Variants in BRINP1 observed in about 807,000 individuals in gnomAD.
BRINP1 encodes the protein BMP/retinoic acid-inducible neural-specific protein 1.
A neutral mutation model predicts 72.9 loss-of-function variants in BRINP1; 17 were observed. That is an observed-to-expected ratio of 0.23 (90% CI 0.16 to 0.35). BRINP1 has a LOEUF of 0.35. Ranked by LOEUF, BRINP1 falls within the 10% of genes least tolerant of loss-of-function variation. The probability of loss-of-function intolerance (pLI) is 1.00; values close to 1 mark genes in which losing one functional copy is unlikely to be tolerated. For synonymous variants in BRINP1, 418 were observed against 378.5 expected (o/e 1.10, Z -1.21); for missense variants, 850 against 1,001.6 (o/e 0.85, Z 2.04).
intron 1 of BRINP1, among the ~76,000 whole-genome samples, chr9:119,326,519 T>G (rs1344235583): frequency 1.3e-5 from 2 of 152,240 alleles, no homozygotes; most frequent in East Asian, 3.9e-4. Context: ...ACCTAAGTTA[T>G]GTATAGCACT....
chr9:119,309,834 T>C (rs1366567678), intron 2 of BRINP1, among the ~76,000 whole-genome samples: 1 of 152,260 alleles, frequency 6.6e-6, no homozygotes, highest in Non-Finnish European at 1.5e-5. Context: ...TAGGAGGATA[T>C]ATGTTTGTAA....
intron 1 of BRINP1, among the ~76,000 whole-genome samples, chr9:119,337,016 T>C (rs1831352713): frequency 6.6e-6 from 1 of 152,096 alleles, no homozygotes; most frequent in South Asian, 2.1e-4. Flanking sequence ...CTCTTCTCCA[T>C]CTCGATGGTT....
intron 7 of BRINP1, among the ~76,000 whole-genome samples, chr9:119,201,959 G>A (rs780982432): frequency 4.8e-5 from 7 of 146,756 alleles, no homozygotes; most frequent in Admixed American, 2.1e-4. Flanking sequence ...CCTCCCTTCC[G>A]TCCTTCCTTC....
chr9:119,266,991 A>G (rs1202210129), intron 2 of BRINP1, among the ~76,000 whole-genome samples: 1 of 152,236 alleles, frequency 6.6e-6, no homozygotes, highest in Non-Finnish European at 1.5e-5. Flanking sequence ...GGAGGACAAA[A>G]TCAGAAGCGG....
intron 2 of BRINP1, among the ~76,000 whole-genome samples, chr9:119,298,596 T>C (rs76537044): frequency 6.6e-6 from 1 of 152,162 alleles, no homozygotes; most frequent in Non-Finnish European, 1.5e-5. Flanking sequence ...TTATTCCATG[T>C]ACCTAGCATC....
chr9:119,250,555 G>A (rs1204740325), intron 2 of BRINP1, among the ~76,000 whole-genome samples: 1 of 152,130 alleles, frequency 6.6e-6, no homozygotes, highest in East Asian at 1.9e-4. Context: ...AAATACCTTT[G>A]GAAACTGCAA....
chr9:119,188,099 G>T (rs1375738725), intron 7 of BRINP1, among the ~76,000 whole-genome samples: 1 of 152,154 alleles, frequency 6.6e-6, no homozygotes, highest in African/African-American at 2.4e-5. Flanking sequence ...GTACTTACAT[G>T]ATGAGTGTAA....
chr9:119,265,707 C>A (rs550911589), intron 2 of BRINP1, among the ~76,000 whole-genome samples: 1 of 152,236 alleles, frequency 6.6e-6, no homozygotes, highest in African/African-American at 2.4e-5. Flanking sequence ...ACTTGCTATT[C>A]ATTCTTTCAA....
chr9:119,348,486 T>A (rs1831471337), intron 1 of BRINP1, among the ~76,000 whole-genome samples: 1 of 152,236 alleles, frequency 6.6e-6, no homozygotes, highest in South Asian at 2.1e-4. Flanking sequence ...GGACCCTGAT[T>A]GCTGGATTCT....
At chr9:119,207,790 G>A (rs1170784956) in intron 7 of BRINP1, among the ~76,000 whole-genome samples, 3 of 152,174 alleles carry the variant, frequency 2.0e-5, no homozygotes, top group Non-Finnish European at 2.9e-5. Flanking sequence ...CTTTTTAAGA[G>A]TGGATCTTTT....
At position 119,178,630 on chromosome 9, in the gene BRINP1, G is replaced by A. The variant is rs192745555; in HGVS notation, c.1146-10406C>T. 3.9e-5 allele frequency among the ~76,000 whole-genome samples: 6 copies of A among 152,266 alleles called. No homozygotes were observed. The East Asian group carries it at 1.2e-3, about 29-fold the overall frequency. ...GACTTACAACTATTGAGTTCTCACTGTATACCAGGCATAGTGCTGGAGGTT... is the reference window on the plus strand; with the variant it reads ...GACTTACAACTATTGAGTTCTCACTATATACCAGGCATAGTGCTGGAGGTT... On this transcript the variant is annotated intron_variant, in intron 7 of 7. Transcript: ENST00000265922.
At chr9:119,245,652 C>T (rs1025547095) in intron 3 of BRINP1, among the ~76,000 whole-genome samples, 6 of 152,188 alleles carry the variant, frequency 3.9e-5, no homozygotes, top group Non-Finnish European at 8.8e-5. Context: ...CTTCTCCATT[C>T]CCATAGCCTT....
chr9:119,183,970 A>G (rs1588157028), intron 7 of BRINP1, among the ~76,000 whole-genome samples: 2 of 152,114 alleles, frequency 1.3e-5, no homozygotes, highest in East Asian at 3.9e-4. Flanking sequence ...TGGCTCTGAC[A>G]GGGGATTAAA....
intron 7 of BRINP1, among the ~76,000 whole-genome samples, chr9:119,177,340 T>A (rs1209857688): frequency 6.6e-6 from 1 of 152,120 alleles, no homozygotes; most frequent in African/African-American, 2.4e-5. Flanking sequence ...GCTGGAATAA[T>A]AATGAGCTAT....
chr9:119,184,825 G>T (rs921205893), intron 7 of BRINP1, among the ~76,000 whole-genome samples: 2 of 152,094 alleles, frequency 1.3e-5, no homozygotes, highest in Non-Finnish European at 2.9e-5. Context: ...GAAGAAGCCT[G>T]CACACTTCCC....
intron 7 of BRINP1, among the ~76,000 whole-genome samples, chr9:119,206,341 AC>A (rs1379468274): frequency 6.7e-6 from 1 of 148,540 alleles, no homozygotes; most frequent in Non-Finnish European, 1.5e-5. Context: ...AATCGCTTGA[AC>A]CTGGGAGACG....
In BRINP1 at chr9:119,280,946, A is replaced by C. The variant is rs2118962073; in HGVS notation, c.219-31796T>G. The stretch of plus-strand genomic sequence containing the variant: ...TGCTTAGGACTTTGACAGATGGAGG[A>C]AATGTGGGTAAAGCCACAGAGGTTT... On this transcript the variant is annotated intron_variant, in intron 2 of 7. Coordinates refer to ENST00000265922, the MANE Select transcript of BRINP1 (RefSeq NM_014618.3). 1.3e-5 allele frequency among the ~76,000 whole-genome samples: 2 copies of C among 152,338 alleles called. 1 individual carries two copies. Among genetic ancestry groups the C allele is most frequent in the South Asian group, 4.1e-4 (2 of 4,824 alleles).
Position 119,167,210 on chromosome 9 carries a change from G to A in BRINP1, c.2160C>T (p.Phe720=), listed in dbSNP as rs577140577. The A allele has an allele frequency of 1.2e-5, 20 of 1,614,144 alleles. No individual in the cohort carries two copies. In the East Asian group the frequency reaches 4.5e-4, roughly 36 times the overall value. The change falls in exon 8 of 8, where the codon TTC becomes TTT. Residue 720 remains phenylalanine, a synonymous_variant. Transcript: ENST00000265922. The surrounding 1 kb of genome is among the most constrained non-coding windows in gnomAD (Gnocchi z 4.3). ...TCAGGCGGTGTTTCAGCATACAGGA[G>A]AACAAGTCCAGCTGGGGTTTCCCCG... ...VAPGKPQLDL[F]SCMLKHRLKL...
At chr9:119,176,574 G>C (rs1227731063) in intron 7 of BRINP1, among the ~76,000 whole-genome samples, 2 of 152,138 alleles carry the variant, frequency 1.3e-5, no homozygotes, top group Non-Finnish European at 1.5e-5. Flanking sequence ...TTAAGTCTCA[G>C]TATCAATATC....
Sources: gnomAD v4.1 joint callset for allele counts (sites outside exome capture counted in the v4.1 genomes callset) on GRCh38, gnomAD v4.1.1 for gene constraint, Gnocchi (gnomAD v3.1) non-coding constraint, MANE v1.5 for transcripts, NCBI Gene and HGNC (gene_info 2026-07-23, HGNC 2026-07-21) for gene names.